SLC5A8: variants seen among roughly 807,000 people sequenced by gnomAD.
SLC5A8 encodes sodium-coupled monocarboxylate transporter 1.
A neutral mutation model predicts 71.9 loss-of-function variants in SLC5A8; 55 were observed. The observed-to-expected ratio is 0.77, with a 90% CI of 0.62 to 0.96. SLC5A8 has a LOEUF of 0.96. Among genes scored for constraint, SLC5A8 ranks in the 40% least tolerant of loss-of-function variants. The probability of loss-of-function intolerance (pLI) is 0.00; values close to 1 mark genes in which losing one functional copy is unlikely to be tolerated. For synonymous variants in SLC5A8, 307 were observed against 276.1 expected (o/e 1.11, Z -1.11); for missense variants, 701 against 745.3 (o/e 0.94, Z 0.69).
At chr12:101,180,165 C>T (rs971490816) in intron 9 of SLC5A8, 69 bp from the exon 10 acceptor site, 162 of 1,452,194 alleles carry the variant, frequency 1.1e-4, no homozygotes, top group Non-Finnish European at 1.5e-4. Context: ...ATAGAATAAT[C>T]CACCACACCT....
intron 9 of SLC5A8, 62 bp downstream of exon 9, chr12:101,182,740 AT>A: frequency 8.2e-7 from 1 of 1,213,302 alleles, no homozygotes; most frequent in Admixed American, 2.3e-5. Context: ...TGGAAAAGAA[AT>A]TTTTGTGTCT....
chr12:101,170,983 C>T (rs2051824391), intron 10 of SLC5A8, among the ~76,000 whole-genome samples: 1 of 152,184 alleles, frequency 6.6e-6, no homozygotes, highest in Non-Finnish European at 1.5e-5. Flanking sequence ...GATGCTCATG[C>T]ATTTTATTCT....
At chr12:101,198,738 A>C (rs573827268) in intron 3 of SLC5A8, among the ~76,000 whole-genome samples, 13 of 152,088 alleles carry the variant, frequency 8.5e-5, no homozygotes, top group African/African-American at 3.1e-4. Flanking sequence ...TATATAAACT[A>C]TTTCAGAAAA....
chr12:101,191,713 C>T (rs1868921630), intron 5 of SLC5A8, among the ~76,000 whole-genome samples: 1 of 152,206 alleles, frequency 6.6e-6, no homozygotes, highest in Non-Finnish European at 1.5e-5. Context: ...ATACAATATC[C>T]TTCTTCTCTT....
intron 3 of SLC5A8, among the ~76,000 whole-genome samples, chr12:101,199,563 A>G (rs1048902172): frequency 2.6e-5 from 4 of 152,216 alleles, no homozygotes; most frequent in Admixed American, 2.0e-4. Flanking sequence ...AAGCTAAGCC[A>G]TAATAGTCAT....
intron 3 of SLC5A8, among the ~76,000 whole-genome samples, chr12:101,196,464 G>A (rs919768800): frequency 1.8e-4 from 27 of 152,044 alleles, no homozygotes; most frequent in Non-Finnish European, 3.5e-4. Flanking sequence ...AGAAGACAGA[G>A]ATACAAGTCA....
At chr12:101,183,677 C>T (rs1424513446) in intron 8 of SLC5A8, among the ~76,000 whole-genome samples, 1 of 152,126 alleles carries the variant, frequency 6.6e-6, no homozygotes, top group Non-Finnish European at 1.5e-5. Flanking sequence ...TTCTCTGGAA[C>T]AAACGCAAGG....
chr12:101,168,035 T>C (rs1157440899), intron 11 of SLC5A8, 61 bp downstream of exon 11: 2 of 1,449,824 alleles, frequency 1.4e-6, no homozygotes, highest in East Asian at 2.4e-5. Flanking sequence ...GAGAAAAAAG[T>C]GTAGAGCTGC....
At chr12:101,178,297 A>C (rs555626712) in intron 10 of SLC5A8, among the ~76,000 whole-genome samples, 1 of 152,286 alleles carries the variant, frequency 6.6e-6, no homozygotes, top group Admixed American at 6.5e-5. Context: ...TACAGACAAG[A>C]TTATCCTAGA....
rs1261123479 is a variant in SLC5A8 at position 101,168,150 on chromosome 12, TC to T, written c.1265del (p.Gly422AspfsTer25). The T allele has an allele frequency of 1.2e-6, 2 of 1,609,968 alleles. No individual in the cohort carries two copies. Among genetic ancestry groups the T allele is most frequent in the Non-Finnish European group, 8.5e-7 (1 of 1,177,980 alleles). The stretch of plus-strand genomic sequence containing the variant: ...CCAAAGCGAACAGGCCCATAAGTGG[TC>T]CACCAACCATACCAAATACGCTGAG... ...AALSVFGMVGGPLMGLFALGI... is the reference protein window; with the variant it reads ...AALSVFGMVGXPLMGLFALGI... On this transcript the variant is annotated frameshift_variant, in exon 11 of 15. Transcript: ENST00000536262. LOFTEE classifies it high-confidence loss of function.
At chr12:101,196,747 T>C (rs1182019904) in intron 3 of SLC5A8, among the ~76,000 whole-genome samples, 1 of 152,214 alleles carries the variant, frequency 6.6e-6, no homozygotes, top group African/African-American at 2.4e-5. Context: ...TGTTAGGCCA[T>C]TATATTATTC....
chr12:101,185,031 C>T (rs890298968), intron 7 of SLC5A8, among the ~76,000 whole-genome samples: 1 of 152,188 alleles, frequency 6.6e-6, no homozygotes, highest in South Asian at 2.1e-4. Context: ...ACTTCTCCCA[C>T]AGTACAGAGT....
chr12:101,191,771 A>C (rs1388338309), intron 5 of SLC5A8, among the ~76,000 whole-genome samples: 2 of 152,250 alleles, frequency 1.3e-5, no homozygotes. Context: ...TTCTCAAAAC[A>C]TATCAGAATA....
intron 10 of SLC5A8, among the ~76,000 whole-genome samples, chr12:101,175,230 T>G (rs980473195): frequency 1.3e-5 from 2 of 151,926 alleles, no homozygotes; most frequent in Non-Finnish European, 2.9e-5. Context: ...ATCGGTGAAC[T>G]GAATGACAGA....
chr12:101,205,864 G>A (rs1869659111), intron 1 of SLC5A8, among the ~76,000 whole-genome samples: 1 of 152,150 alleles, frequency 6.6e-6, no homozygotes, highest in Non-Finnish European at 1.5e-5. Flanking sequence ...ACATATTTAA[G>A]ACTCAATAAG....
chr12:101,198,246 G>A (rs946358321), intron 3 of SLC5A8, among the ~76,000 whole-genome samples: 12 of 151,664 alleles, frequency 7.9e-5, no homozygotes, highest in East Asian at 1.9e-4. Flanking sequence ...TGACCTAAGC[G>A]CCTACCTTAA....
rs1272669010 is a variant in SLC5A8, at chr12:101,209,675, C to A, written c.174G>T (p.Ala58=). Residue 58 remains alanine, a synonymous_variant, in exon 1 of 15, where the codon GCG becomes GCT. Coordinates refer to ENST00000536262, the MANE Select transcript of SLC5A8 (RefSeq NM_145913.5). ...GGRRMTAVPV[A]LSLTASFMSA... is the part of the protein sequence containing the mutation. ...ACATGAAGCTAGCGGTGAGGGACAG[C>A]GCCACGGGCACTGCGGTCATTCTGC... is the stretch of plus-strand genomic sequence containing the variant. The A allele has an allele frequency of 6.2e-7, 1 of 1,613,708 alleles. No individual in the cohort carries two copies. Among genetic ancestry groups the A allele is most frequent in the South Asian group, 1.1e-5 (1 of 91,078 alleles).
At chr12:101,173,011 C>T (rs79477643) in intron 10 of SLC5A8, among the ~76,000 whole-genome samples, 1,657 of 152,258 alleles carry the variant, frequency 0.011, 18 homozygotes, top group South Asian at 0.029. Context: ...TGTGCACCAG[C>T]CACCTTCAGC....
At chr12:101,173,374 T>G (rs1045629614) in intron 10 of SLC5A8, among the ~76,000 whole-genome samples, 2 of 152,176 alleles carry the variant, frequency 1.3e-5, no homozygotes, top group African/African-American at 2.4e-5. Flanking sequence ...ACACACTTCC[T>G]CATCTCAGCC....
Sources: gnomAD v4.1 joint callset for allele counts (sites outside exome capture counted in the v4.1 genomes callset) on GRCh38, gnomAD v4.1.1 for gene constraint, MANE v1.5 for transcripts, NCBI Gene and HGNC (gene_info 2026-07-23, HGNC 2026-07-21) for gene names.